The following TOR1A variants were observed in gnomAD, a reference collection of about 807,000 sequenced individuals.
The protein encoded by TOR1A is torsin-1A.
Under a neutral mutation model 31.4 loss-of-function variants are expected in TOR1A, and 18 were observed. That is an observed-to-expected ratio of 0.57 (90% CI 0.40 to 0.85). The LOEUF (loss-of-function observed/expected upper bound fraction) is 0.85, where lower values mean the gene tolerates loss of function less well. TOR1A is among the 40% of genes least tolerant of loss of function. TOR1A has a pLI of 0.00. For missense variants in TOR1A, 375 were observed against 416.4 expected, an observed-to-expected ratio of 0.90 and a Z score of 0.87; for synonymous variants, 168 against 165.9, an observed-to-expected ratio of 1.01 and a Z score of -0.10.
chr9:129,816,996 C>T (rs918089141), intron 4 of TOR1A, among the ~76,000 whole-genome samples: 11 of 152,360 alleles, frequency 7.2e-5, no homozygotes, highest in Non-Finnish European at 1.3e-4. Context: ...GCACAACTCA[C>T]AGGTCTTAGC....
chr9:129,816,200 C>T (rs553786418), intron 4 of TOR1A, among the ~76,000 whole-genome samples: 16 of 152,300 alleles, frequency 1.1e-4, no homozygotes, highest in South Asian at 2.1e-4. Flanking sequence ...ACGTGCTGTC[C>T]GCACTGGGGA....
chr9:129,816,314 C>T (rs2031037513), intron 4 of TOR1A, among the ~76,000 whole-genome samples: 1 of 152,166 alleles, frequency 6.6e-6, no homozygotes, highest in African/African-American at 2.4e-5. Context: ...CAGAGCCCAT[C>T]CTTACCCTGA....
chr9:129,816,292 A>G (rs544960231), intron 4 of TOR1A, among the ~76,000 whole-genome samples: 4 of 151,680 alleles, frequency 2.6e-5, no homozygotes, highest in Non-Finnish European at 4.4e-5. Flanking sequence ...TTCCCTGTCC[A>G]CTCTATTAAA....
chr9:129,818,259 C>T (rs894086340), intron 4 of TOR1A: 24 of 506,814 alleles, frequency 4.7e-5, no homozygotes, highest in African/African-American at 3.5e-4. Flanking sequence ...GGCAAGGTTA[C>T]GCCACTGCAC....
chr9:129,822,471 C>A, intron 2 of TOR1A, 110 bp downstream of exon 2: 1 of 1,446,786 alleles, frequency 6.9e-7, no homozygotes. Context: ...AGACATGAAC[C>A]GTTTTCCGGG....
At chr9:129,817,864 A>T (rs990982466) in intron 4 of TOR1A, among the ~76,000 whole-genome samples, 1 of 147,344 alleles carries the variant, frequency 6.8e-6, no homozygotes, top group East Asian at 2.0e-4. Flanking sequence ...AAAAAAAAAA[A>T]AAATTAGCCA....
In TOR1A at chr9:129,818,527, G is replaced by T. The variant is rs1239580210; in HGVS notation, c.741C>A (p.Asn247Lys). 6.2e-7 allele frequency: 1 copy of T among 1,613,988 alleles called. No individual in the cohort carries two copies. Residue 247 changes from asparagine to lysine, a missense_variant, in exon 4 of 5, where the codon AAC (asparagine) becomes AAA (lysine). Physicochemically the swap from Asn to Lys is moderately conservative, Grantham distance 94. Coordinates refer to ENST00000351698, the MANE Select transcript of TOR1A (RefSeq NM_000113.3). ...EHALSVSVFN[N>K]KNSGFWHSSL... ...GTGGATGGCCCTACTCACTGTTCTT[G>T]TTATTGAAAACCGACACAGACAACG... is the stretch of plus-strand genomic sequence containing the variant.
intron 4 of TOR1A, among the ~76,000 whole-genome samples, chr9:129,814,590 G>T (rs763176498): frequency 1.3e-5 from 2 of 151,656 alleles, no homozygotes; most frequent in East Asian, 1.9e-4. Flanking sequence ...CCTGCACATT[G>T]TAATGCTTCT....
chr9:129,819,964 A>T (rs1057174466), intron 2 of TOR1A, among the ~76,000 whole-genome samples: 9 of 149,552 alleles, frequency 6.0e-5, no homozygotes, highest in African/African-American at 2.2e-4. Flanking sequence ...ATAAATAAAT[A>T]AAATAAAATA....
chr9:129,819,945 AT>A (rs1177364554), intron 2 of TOR1A, among the ~76,000 whole-genome samples: 1,599 of 148,748 alleles, frequency 0.011, 13 homozygotes, highest in Middle Eastern at 0.025. Context: ...AAAAAAAATA[AT>A]AATAATAATA....
Position 129,813,898 on chromosome 9 carries a change from G to A in TOR1A, c.*74C>T. 2.5e-6 allele frequency: 4 copies of A among 1,574,028 alleles called. No individual in the cohort carries two copies. In the South Asian group the frequency reaches 3.3e-5, roughly 13 times the overall value. On this transcript the variant is annotated 3_prime_UTR_variant, in exon 5 of 5. Coordinates refer to ENST00000351698, the MANE Select transcript of TOR1A (RefSeq NM_000113.3). ...CCTCTTCCAGGGAAAGGAGCTGGGG[G>A]TGGAAGTGTGGAAGGACTGAGTGTT...
At chr9:129,823,407 G>T in intron 1 of TOR1A, 1 of 271,406 alleles carries the variant, frequency 3.7e-6, no homozygotes, top group Non-Finnish European at 7.2e-6. Context: ...TGGCTTCCGG[G>T]GTCCGGCCCC....
At chr9:129,816,077 G>C (rs1588215629) in intron 4 of TOR1A, among the ~76,000 whole-genome samples, 1 of 151,938 alleles carries the variant, frequency 6.6e-6, no homozygotes. Flanking sequence ...GGCTTCCCAC[G>C]GTCTGCACCT....
Position 129,814,067 on chromosome 9 carries a change from C to T in TOR1A, c.904G>A (p.Glu302Lys). The change falls in exon 5 of 5, where the codon GAG (glutamate) becomes AAG (lysine). Residue 302 changes from glutamate (E) to lysine (K), a missense_variant. Physicochemically the swap from Glu to Lys is moderately conservative, Grantham distance 56. Transcript: ENST00000351698. The stretch of plus-strand genomic sequence containing the variant: ...TCTTTGGGGAAAAATGTCATCTCCT[C>T]AGCCACTCTGCTTACAATGTCTTCA... ...IDEDIVSRVAEEMTFFPKEER... is the reference protein window; with the variant it reads ...IDEDIVSRVAKEMTFFPKEER... The T allele has an allele frequency of 1.2e-5, 19 of 1,614,206 alleles. No individual in the cohort carries two copies. Among genetic ancestry groups the T allele is most frequent in the Non-Finnish European group, 1.5e-5 (18 of 1,180,040 alleles).
chr9:129,823,344 C>A (rs74929998), intron 1 of TOR1A: 5,507 of 290,546 alleles, frequency 0.019, 317 homozygotes, highest in African/African-American at 0.11. Flanking sequence ...TTAAGTCTGG[C>A]ACGTCTGTGG....
At chr9:129,819,794 G>A (rs1489889544) in intron 2 of TOR1A, among the ~76,000 whole-genome samples, 1 of 149,586 alleles carries the variant, frequency 6.7e-6, no homozygotes, top group Non-Finnish European at 1.5e-5. Flanking sequence ...ATAGTGGCAG[G>A]CGCCTGTAAT....
At chr9:129,814,267 T>C in intron 4 of TOR1A, 45 bp from the exon 5 acceptor site, 1 of 1,613,172 alleles carries the variant, frequency 6.2e-7, no homozygotes, top group Non-Finnish European at 8.5e-7. Context: ...TCCACCCACC[T>C]GCCCTATAGA....
intron 2 of TOR1A, 117 bp downstream of exon 2, chr9:129,822,462 GAC>G (rs1247096804): frequency 1.3e-5 from 18 of 1,375,780 alleles, no homozygotes; most frequent in Non-Finnish European, 1.8e-5. Context: ...GGGGAACTGA[GAC>G]ATGAACCGTT....
chr9:129,822,010 A>AC (rs1324859914), intron 2 of TOR1A: 2 of 190,808 alleles, frequency 1.0e-5, no homozygotes, highest in Admixed American at 1.1e-4. Context: ...TCACGCCTGT[A>AC]ATCCCAGCAC....
Sources: allele counts gnomAD v4.1 joint callset (sites outside exome capture counted in the v4.1 genomes callset), GRCh38; gene constraint gnomAD v4.1.1; transcripts MANE v1.5; gene names NCBI Gene and HGNC (gene_info 2026-07-23, HGNC 2026-07-21).